COL21A1: variants seen among roughly 807,000 people sequenced by gnomAD.
The protein encoded by COL21A1 is collagen type XXI alpha 1 chain.
In COL21A1, 149 loss-of-function variants were observed where a neutral mutation model predicts 137.9. The ratio of observed to expected loss-of-function variants is 1.08; its 90% CI spans 0.95 to 1.24. The LOEUF is 1.24. COL21A1 is among the 50% of genes most tolerant of loss of function. COL21A1 has a pLI of 0.00. For missense variants in COL21A1, 1,167 were observed against 1,158.4 expected, an observed-to-expected ratio of 1.01 and a Z score of -0.11; for synonymous variants, 456 against 391.5, an observed-to-expected ratio of 1.16 and a Z score of -1.95.
chr6:56,329,050 A>G (rs1765163586), intron 1 of COL21A1, among the ~76,000 whole-genome samples: 1 of 152,104 alleles, frequency 6.6e-6, no homozygotes, highest in Non-Finnish European at 1.5e-5. Flanking sequence ...ACCACAGGGC[A>G]AGCAATGTAT....
rs1205829932 is a variant in COL21A1 at position 56,098,666 on chromosome 6, A to AAT, written c.1812+2804_1812+2805dup. ...ATATATAAATATATAAATATATATA[A>AAT]ATATATATATAAATATATATAAATA... is the stretch of plus-strand genomic sequence containing the variant. On this transcript the variant is annotated intron_variant, in intron 17 of 29. Coordinates refer to ENST00000244728, the MANE Select transcript of COL21A1 (RefSeq NM_030820.4). Among the ~76,000 whole-genome samples, 12 of 15,298 alleles carry AAT rather than the reference A, an allele frequency of 7.8e-4. 1 individual carries two copies. The highest frequency in any genetic ancestry group is 1.3e-3 in the Non-Finnish European group (11 of 8,786). The allele number at this position is 15,298 out of a possible 152,430, so 10.0% of individuals were successfully genotyped here. A position where few individuals can be genotyped will look rare whatever the true frequency, so the allele number is the denominator to read the frequency against.
chr6:56,133,687 C>T (rs1262597518), intron 12 of COL21A1, among the ~76,000 whole-genome samples: 1 of 152,162 alleles, frequency 6.6e-6, no homozygotes. Context: ...TTTCATGGGC[C>T]AGAGCCAGGG....
intron 17 of COL21A1, among the ~76,000 whole-genome samples, chr6:56,081,756 A>G (rs566574063): frequency 6.6e-6 from 1 of 152,032 alleles, no homozygotes; most frequent in East Asian, 1.9e-4. Flanking sequence ...TAAGGAAAAA[A>G]AATCTAAGAA....
intron 16 of COL21A1, among the ~76,000 whole-genome samples, chr6:56,119,544 A>G (rs1314553498): frequency 2.0e-5 from 3 of 152,180 alleles, no homozygotes; most frequent in Non-Finnish European, 4.4e-5. Context: ...CTTCAGAAAC[A>G]TACAAAAACC....
At chr6:56,060,320 T>C in intron 27 of COL21A1, 102 bp from the exon 28 acceptor site, 1 of 904,478 alleles carries the variant, frequency 1.1e-6, no homozygotes, top group Admixed American at 3.2e-5. Context: ...ACTACGAACA[T>C]TGAATATGTG....
intron 1 of COL21A1, among the ~76,000 whole-genome samples, chr6:56,192,636 A>G (rs1253090659): frequency 6.6e-6 from 1 of 152,242 alleles, no homozygotes; most frequent in Non-Finnish European, 1.5e-5. Flanking sequence ...CCACAATGAG[A>G]TACCATCTCA....
At position 56,152,750 on chromosome 6, in the gene COL21A1, T is replaced by G. The variant is rs1441461600; in HGVS notation, c.1434+4137A>C. Among the ~76,000 whole-genome samples, 4 of 149,802 alleles carry G rather than the reference T, an allele frequency of 2.7e-5. No homozygotes were observed. The East Asian group carries it at 7.7e-4, about 29-fold the overall frequency. Reference sequence around the variant, plus strand: ...CTGCTCAGCACTCACTTCCAAACATTACCCAGGATTTTTTTATCACTAAAA... The same window carrying G: ...CTGCTCAGCACTCACTTCCAAACATGACCCAGGATTTTTTTATCACTAAAA... On this transcript the variant is annotated intron_variant, in intron 10 of 29. Coordinates refer to ENST00000244728, the MANE Select transcript of COL21A1 (RefSeq NM_030820.4).
chr6:56,301,582 C>T (rs1422142283), intron 1 of COL21A1, among the ~76,000 whole-genome samples: 5 of 152,246 alleles, frequency 3.3e-5, no homozygotes, highest in African/African-American at 2.4e-5. Context: ...TAACTACAGA[C>T]ATCAGAAACA....
intron 1 of COL21A1, among the ~76,000 whole-genome samples, chr6:56,366,540 G>T (rs1487521254): frequency 2.0e-5 from 3 of 152,196 alleles, no homozygotes; most frequent in Non-Finnish European, 4.4e-5. Flanking sequence ...GCAACTAGCT[G>T]GGAGGAAGAT....
intron 17 of COL21A1, among the ~76,000 whole-genome samples, chr6:56,084,212 G>GAA (rs754144759): frequency 0.083 from 12,417 of 148,748 alleles, 571 homozygotes; most frequent in Middle Eastern, 0.12. Flanking sequence ...TAAGTATGCA[G>GAA]AAAAAATATA....
chr6:56,300,763 T>C (rs546497408), intron 1 of COL21A1, among the ~76,000 whole-genome samples: 1 of 152,274 alleles, frequency 6.6e-6, no homozygotes, highest in African/African-American at 2.4e-5. Context: ...CTCTATTCAA[T>C]TGGTGATTGA....
chr6:56,100,154 T>C (rs528313551), intron 17 of COL21A1, among the ~76,000 whole-genome samples: 45 of 152,336 alleles, frequency 3.0e-4, no homozygotes, highest in African/African-American at 9.9e-4. Flanking sequence ...AGGACCTCAT[T>C]AAGATCATTT....
intron 22 of COL21A1, chr6:56,068,743 A>T (rs1159618447): frequency 5.2e-6 from 1 of 191,426 alleles, no homozygotes; most frequent in Non-Finnish European, 1.1e-5. Context: ...AAAAATTCTT[A>T]GCTCCCCTGG....
chr6:56,201,075 T>C (rs943238425), intron 1 of COL21A1, among the ~76,000 whole-genome samples: 3 of 152,188 alleles, frequency 2.0e-5, no homozygotes, highest in Non-Finnish European at 4.4e-5. Flanking sequence ...CATTTTTTCA[T>C]GTGTCTGTTG....
chr6:56,060,762 C>T lies in COL21A1; in HGVS notation c.2386G>A (p.Val796Ile), dbSNP rs1216579675. Residue 796 changes from valine (V) to isoleucine (I), a missense_variant, in exon 27 of 30, where the codon GTT (valine) becomes ATT (isoleucine). Transcript: ENST00000244728. ...REFSEQFIRQ[V>I]CTDVIRAQLP... ...CTACCTCTTATTACATCTGTGCAAA[C>T]TTGTCGAATAAATTGTTCTGAAAAC... The T allele has an allele frequency of 3.1e-6, 5 of 1,609,444 alleles. No homozygotes were observed. The highest frequency in any genetic ancestry group is 3.4e-5 in the Admixed American group (2 of 58,798).
chr6:56,284,153 T>C (rs952279937), intron 1 of COL21A1, among the ~76,000 whole-genome samples: 1 of 152,096 alleles, frequency 6.6e-6, no homozygotes, highest in Non-Finnish European at 1.5e-5. Context: ...GTTCAAGGGA[T>C]CCTCCCACTT....
intron 1 of COL21A1, among the ~76,000 whole-genome samples, chr6:56,212,779 G>A (rs1780250648): frequency 6.6e-6 from 1 of 152,034 alleles, no homozygotes; most frequent in East Asian, 1.9e-4. Flanking sequence ...TGTTCACAAG[G>A]ATGTGAAATG....
chr6:56,320,576 C>T (rs1251387571), intron 1 of COL21A1, among the ~76,000 whole-genome samples: 1 of 151,838 alleles, frequency 6.6e-6, no homozygotes, highest in Non-Finnish European at 1.5e-5. Context: ...TCTTCTCTCT[C>T]CTACAGCCTC....
At chr6:56,143,254 G>A (rs1334107203) in intron 10 of COL21A1, among the ~76,000 whole-genome samples, 1 of 143,464 alleles carries the variant, frequency 7.0e-6, no homozygotes, top group Non-Finnish European at 1.5e-5. Flanking sequence ...AGACTGGAGT[G>A]CAGTGGTGCA....
Sources: gnomAD v4.1 joint callset for allele counts (sites outside exome capture counted in the v4.1 genomes callset) on GRCh38, gnomAD v4.1.1 for gene constraint, MANE v1.5 for transcripts, NCBI Gene and HGNC (gene_info 2026-07-23, HGNC 2026-07-21) for gene names.